The following VPS13B variants were observed in gnomAD, a reference collection of about 807,000 sequenced individuals.
VPS13B encodes the protein intermembrane lipid transfer protein VPS13B.
In VPS13B, 285 loss-of-function variants were observed where a neutral mutation model predicts 426.4. The observed-to-expected ratio is 0.67, with a 90% CI of 0.61 to 0.74. VPS13B has a LOEUF of 0.74. Ranked by LOEUF, VPS13B falls within the 30% of genes least tolerant of loss-of-function variation. The probability of loss-of-function intolerance (pLI) is 0.00; values close to 1 mark genes in which losing one functional copy is unlikely to be tolerated. For missense variants in VPS13B, 4,537 were observed against 4,782.6 expected, an observed-to-expected ratio of 0.95 and a Z score of 1.51; for synonymous variants, 1,676 against 1,676.4, an observed-to-expected ratio of 1.00 and a Z score of 0.01.
Position 99,135,639 on chromosome 8 carries a change from G to T in VPS13B, c.1469G>T (p.Gly490Val), listed in dbSNP as rs761218548. Residue 490 changes from glycine to valine, a missense_variant, in exon 11 of 62, where the codon GGT (glycine) becomes GTT (valine). Physicochemically the swap from Gly to Val is moderately radical, Grantham distance 109. Coordinates refer to ENST00000357162, the MANE Select transcript of VPS13B (RefSeq NM_152564.5). ...FICGDNLSTK[G>V]FTYLTNSLFD... ...TGTGGTGACAATTTGAGTACGAAAG[G>T]TTTCACATACCTTACAAATTCATTG... is the stretch of plus-strand genomic sequence containing the variant. The T allele has an allele frequency of 3.7e-6, 6 of 1,613,220 alleles. No individual in the cohort carries two copies. Among genetic ancestry groups the T allele is most frequent in the South Asian group, 1.1e-5 (1 of 91,052 alleles).
intron 24 of VPS13B, among the ~76,000 whole-genome samples, chr8:99,475,342 C>T (rs781621480): frequency 4.6e-5 from 7 of 152,098 alleles, no homozygotes; most frequent in Admixed American, 2.0e-4. Context: ...TCTAAAGCTA[C>T]ATATAATAGA....
chr8:99,715,429 A>C (rs1047497981), intron 36 of VPS13B, among the ~76,000 whole-genome samples: 2 of 152,150 alleles, frequency 1.3e-5, no homozygotes, highest in African/African-American at 4.8e-5. Flanking sequence ...CTCTTCTTTG[A>C]TGTTTTAAAA....
chr8:99,458,850 T>A (rs1448912232), intron 23 of VPS13B, among the ~76,000 whole-genome samples: 1 of 152,178 alleles, frequency 6.6e-6, no homozygotes, highest in Non-Finnish European at 1.5e-5. Flanking sequence ...TTGCAAAAAT[T>A]TTCTCCCATG....
chr8:99,851,780 T>C (rs1280415303), intron 55 of VPS13B, among the ~76,000 whole-genome samples: 1 of 152,112 alleles, frequency 6.6e-6, no homozygotes, highest in Non-Finnish European at 1.5e-5. Context: ...GGAGACCTCA[T>C]GGGCCATTGA....
chr8:99,739,170 G>C (rs1275769521), intron 39 of VPS13B, among the ~76,000 whole-genome samples: 3 of 152,226 alleles, frequency 2.0e-5, no homozygotes. Flanking sequence ...CACACCAGGA[G>C]ATTACATCCC....
At position 99,560,804 on chromosome 8, in the gene VPS13B, T is replaced by TA. The variant is rs1293319829; in HGVS notation, c.4949+4152dup. On this transcript the variant is annotated intron_variant, in intron 31 of 61. Transcript: ENST00000357162. Reference sequence around the variant, plus strand: ...GATAGCATCCAGCTTCAAGCCTTCCTATTCCTTATCTTTACACAGTTTTCA... The same window carrying TA: ...GATAGCATCCAGCTTCAAGCCTTCCTAATTCCTTATCTTTACACAGTTTTCA... 2.6e-5 allele frequency among the ~76,000 whole-genome samples: 4 copies of TA among 152,360 alleles called. No homozygotes were observed. The East Asian group carries it at 7.7e-4, about 29-fold the overall frequency.
intron 30 of VPS13B, among the ~76,000 whole-genome samples, chr8:99,532,415 T>C (rs1187867364): frequency 6.6e-6 from 1 of 152,172 alleles, no homozygotes; most frequent in African/African-American, 2.4e-5. Flanking sequence ...AGACATCTTT[T>C]ATAAGTGAGA....
At position 99,061,109 on chromosome 8, in the gene VPS13B, C is replaced by A. The variant is rs1472426063; in HGVS notation, c.291+22543C>A. Among the ~76,000 whole-genome samples the A allele has an allele frequency of 2.0e-5, 3 of 151,948 alleles. No individual in the cohort carries two copies. The East Asian group carries it at 5.8e-4, about 29-fold the overall frequency. ...ATGGTGGTTGCAGGTTTTCTTTTTC[C>A]CTTCAGTTTTATGCCATCTCAATGT... On this transcript the variant is annotated intron_variant, in intron 3 of 61. Coordinates refer to ENST00000357162, the MANE Select transcript of VPS13B (RefSeq NM_152564.5).
intron 30 of VPS13B, among the ~76,000 whole-genome samples, chr8:99,548,429 T>C (rs1241157643): frequency 6.6e-6 from 1 of 152,028 alleles, no homozygotes; most frequent in Non-Finnish European, 1.5e-5. Context: ...TTAAAAAAAC[T>C]CTAGTGAGCC....
At chr8:99,323,354 A>G (rs1319334764) in intron 19 of VPS13B, among the ~76,000 whole-genome samples, 2 of 152,182 alleles carry the variant, frequency 1.3e-5, no homozygotes, top group Non-Finnish European at 2.9e-5. Context: ...AGGGAAGGAA[A>G]CTAACAATTA....
intron 19 of VPS13B, among the ~76,000 whole-genome samples, chr8:99,352,974 A>G (rs949500157): frequency 6.6e-6 from 1 of 151,994 alleles, no homozygotes; most frequent in Non-Finnish European, 1.5e-5. Context: ...AAACAAACAA[A>G]AAACTTATTA....
chr8:99,781,718 G>A lies in VPS13B; in HGVS notation c.7780-2597G>A, dbSNP rs1039775562. On this transcript the variant is annotated intron_variant, in intron 42 of 61. Transcript: ENST00000357162. ...TTAAAGGTCAGTTTTTAGAGATGAA[G>A]AAAGTAATATGATGTTTTTTTTCTG... 2.6e-5 allele frequency among the ~76,000 whole-genome samples: 4 copies of A among 152,146 alleles called. No homozygotes were observed. In the East Asian group the frequency reaches 7.7e-4, roughly 29 times the overall value.
chr8:99,610,258 A>G (rs1827786021), intron 33 of VPS13B, among the ~76,000 whole-genome samples: 1 of 152,230 alleles, frequency 6.6e-6, no homozygotes. Flanking sequence ...CCAAAGGATT[A>G]TAAATCATCC....
At chr8:99,498,427 A>G (rs1177391193) in intron 25 of VPS13B, among the ~76,000 whole-genome samples, 1 of 84,120 alleles carries the variant, frequency 1.2e-5, no homozygotes, top group Non-Finnish European at 2.3e-5. Flanking sequence ...AATGTAAATG[A>G]TGAGTTAATG....
chr8:99,254,206 CT>C (rs1817639949), intron 17 of VPS13B, among the ~76,000 whole-genome samples: 1 of 152,068 alleles, frequency 6.6e-6, no homozygotes, highest in Non-Finnish European at 1.5e-5. Flanking sequence ...TTTACCTGTC[CT>C]TTTACTGTAG....
At chr8:99,046,913 T>C (rs948182436) in intron 3 of VPS13B, among the ~76,000 whole-genome samples, 3 of 152,214 alleles carry the variant, frequency 2.0e-5, no homozygotes, top group African/African-American at 7.2e-5. Context: ...TTTGATATAT[T>C]GTTGGATTCA....
At chr8:99,148,636 A>G (rs925343384) in intron 14 of VPS13B, among the ~76,000 whole-genome samples, 1 of 152,176 alleles carries the variant, frequency 6.6e-6, no homozygotes, top group Non-Finnish European at 1.5e-5. Context: ...AAAGAAAACA[A>G]TTGTATTTTT....
intron 27 of VPS13B, among the ~76,000 whole-genome samples, chr8:99,503,529 C>T (rs117094000): frequency 3.9e-4 from 59 of 152,308 alleles, no homozygotes; most frequent in Middle Eastern, 3.4e-3. Context: ...TCAGTCCTCT[C>T]AAACTTTGCT....
intron 21 of VPS13B, among the ~76,000 whole-genome samples, chr8:99,427,800 T>G (rs1816811365): frequency 6.6e-6 from 1 of 151,864 alleles, no homozygotes; most frequent in Non-Finnish European, 1.5e-5. Context: ...AAAGTTCATA[T>G]GGAACCAAAA....
Sources: gnomAD v4.1 joint callset for allele counts (sites outside exome capture counted in the v4.1 genomes callset) on GRCh38, gnomAD v4.1.1 for gene constraint, MANE v1.5 for transcripts, NCBI Gene and HGNC (gene_info 2026-07-23, HGNC 2026-07-21) for gene names.